Variants in ARFGAP3 observed in about 807,000 individuals in gnomAD.
ARFGAP3 encodes ADP-ribosylation factor GTPase-activating protein 3.
Under a neutral mutation model 75.0 loss-of-function variants are expected in ARFGAP3, and 72 were observed. That is an observed-to-expected ratio of 0.96 (90% CI 0.79 to 1.17). The LOEUF is 1.17. ARFGAP3 is among the 50% of genes most tolerant of loss of function. The probability of loss-of-function intolerance (pLI) is 0.00; values close to 1 mark genes in which losing one functional copy is unlikely to be tolerated. For synonymous variants in ARFGAP3, 221 were observed against 217.9 expected, an observed-to-expected ratio of 1.01 and a Z score of -0.13; for missense variants, 620 against 626.6, an observed-to-expected ratio of 0.99 and a Z score of 0.11.
intron 1 of ARFGAP3, among the ~76,000 whole-genome samples, chr22:42,856,801 C>T (rs1252396285): frequency 1.3e-5 from 2 of 151,638 alleles, no homozygotes; most frequent in East Asian, 3.9e-4. Context: ...ATGCCCCCGC[C>T]CCCGCCTCCG....
intron 1 of ARFGAP3, among the ~76,000 whole-genome samples, chr22:42,849,252 A>C (rs1263615623): frequency 6.6e-6 from 1 of 152,242 alleles, no homozygotes; most frequent in African/African-American, 2.4e-5. Flanking sequence ...TATGATGCCA[A>C]GTTGGGGGTG....
At chr22:42,835,620 T>C (rs1926488659) in intron 3 of ARFGAP3, 127 bp from the exon 4 acceptor site, 1 of 1,019,566 alleles carries the variant, frequency 9.8e-7, no homozygotes, top group Non-Finnish European at 1.4e-6. Context: ...GGGAGATCAG[T>C]ACCATCCTGG....
intron 2 of ARFGAP3, among the ~76,000 whole-genome samples, chr22:42,844,046 C>T (rs2146579124): frequency 6.6e-6 from 1 of 152,298 alleles, no homozygotes; most frequent in South Asian, 2.1e-4. Context: ...ATGCACACCA[C>T]CCATGCCACA....
At chr22:42,838,579 G>A (rs929911665) in intron 3 of ARFGAP3, among the ~76,000 whole-genome samples, 17 of 151,868 alleles carry the variant, frequency 1.1e-4, no homozygotes, top group African/African-American at 2.9e-4. Context: ...TTCCAGGCAC[G>A]AGCCACCATG....
chr22:42,799,610 A>G (rs1324334406), intron 14 of ARFGAP3, among the ~76,000 whole-genome samples: 1 of 151,826 alleles, frequency 6.6e-6, no homozygotes, highest in Non-Finnish European at 1.5e-5. Context: ...TCTCCCTTCT[A>G]CCCTGTCCAC....
intron 3 of ARFGAP3, chr22:42,835,746 G>A (rs1569161990): frequency 6.5e-6 from 1 of 152,990 alleles, no homozygotes; most frequent in Non-Finnish European, 1.5e-5. Flanking sequence ...GCGAACCTGG[G>A]AGGCGGAGCT....
intron 7 of ARFGAP3, among the ~76,000 whole-genome samples, chr22:42,824,613 C>G (rs544707441): frequency 7.9e-5 from 12 of 152,056 alleles, no homozygotes; most frequent in African/African-American, 2.9e-4. Context: ...GATCCTCCTG[C>G]CTTGGCTTTC....
Position 42,810,708 on chromosome 22 carries a change from C to T in ARFGAP3, c.1196+105G>A, listed in dbSNP as rs575072705. On this transcript the variant is annotated intron_variant, in intron 12 of 15. Transcript: ENST00000263245. ...TGCTGGGATTATGGGAATGAGCCGC[C>T]GTGCCCAGCCCCTTACAAGGGTTTT... 8.4e-5 allele frequency: 81 copies of T among 961,204 alleles called. No homozygotes were observed. The Middle Eastern group carries it at 2.0e-3, about 24-fold the overall frequency. The allele number at this position is 961,204 out of a possible 1,614,324, so 59.5% of individuals were successfully genotyped here. A position where few individuals can be genotyped will look rare whatever the true frequency, so the allele number is the denominator to read the frequency against.
At position 42,823,671 on chromosome 22, in the gene ARFGAP3, A is replaced by T. The variant is rs765547979; in HGVS notation, c.657T>A (p.Asn219Lys). The T allele has an allele frequency of 8.3e-6, 13 of 1,572,388 alleles. No individual in the cohort carries two copies. In the East Asian group the frequency reaches 2.7e-4, roughly 33 times the overall value. The change falls in exon 8 of 16, where the codon AAT becomes AAA. Residue 219 changes from asparagine (N) to lysine (K), a missense_variant. Transcript: ENST00000263245. ...TAATACTCACGCCTTTTTTAGCTTG[A>T]TTTGGTTTCTTTTTTATGATAGAGG... ...EVSSIIKKKP[N>K]QAKKGLGAKK...
chr22:42,849,801 T>C (rs938952600), intron 1 of ARFGAP3, among the ~76,000 whole-genome samples: 1 of 151,994 alleles, frequency 6.6e-6, no homozygotes, highest in Non-Finnish European at 1.5e-5. Flanking sequence ...GCTCAAGCAA[T>C]TTGGGCCCTC....
In ARFGAP3 at chr22:42,828,281, A is replaced by C. The variant is rs374214926; in HGVS notation, c.566-1282T>G. 2.5e-3 allele frequency among the ~76,000 whole-genome samples: 379 copies of C among 151,390 alleles called. 2 individuals carry two copies. The highest frequency in any genetic ancestry group is 7.8e-3 in the South Asian group (37 of 4,738). On this transcript the variant is annotated intron_variant, in intron 6 of 15. Coordinates refer to ENST00000263245, the MANE Select transcript of ARFGAP3 (RefSeq NM_014570.5). ...ACTAAAAAATACAAAGATGAGGGCC[A>C]GGCGCGGTAGCTCACACCTGTAATC...
Position 42,840,977 on chromosome 22 carries a change from C to T in ARFGAP3, c.228G>A (p.Leu76=). ...ELDSNWSWFQ[L]RCMQVGGNAS... is the part of the protein sequence containing the mutation. The stretch of plus-strand genomic sequence containing the variant: ...CGTTTCCTCCGACTTGCATGCATCG[C>T]AACTGAAACCATGACCAGTTGGAAT... Residue 76 remains leucine, a synonymous_variant, in exon 3 of 16, where the codon TTG becomes TTA. Transcript: ENST00000263245. 1 of 1,614,154 alleles carries T rather than the reference C, an allele frequency of 6.2e-7. No individual in the cohort carries two copies. Among genetic ancestry groups the T allele is most frequent in the Non-Finnish European group, 8.5e-7 (1 of 1,180,014 alleles).
intron 12 of ARFGAP3, 90 bp downstream of exon 12, chr22:42,810,723 A>T (rs1189389422): frequency 1.2e-5 from 14 of 1,157,308 alleles, no homozygotes; most frequent in African/African-American, 1.5e-5. Context: ...CCAGCCCCTT[A>T]CAAGGGTTTT....
At chr22:42,807,570 T>C (rs1925183037) in intron 13 of ARFGAP3, among the ~76,000 whole-genome samples, 1 of 152,212 alleles carries the variant, frequency 6.6e-6, no homozygotes, top group African/African-American at 2.4e-5. Flanking sequence ...TTTTATGGAC[T>C]GTGGGAACAG....
chr22:42,836,367 G>C (rs1477036479), intron 3 of ARFGAP3, among the ~76,000 whole-genome samples: 1 of 152,002 alleles, frequency 6.6e-6, no homozygotes, highest in Non-Finnish European at 1.5e-5. Flanking sequence ...TCCAACTCCT[G>C]GATTCAAGCA....
At position 42,849,560 on chromosome 22, in the gene ARFGAP3, CTTTT is replaced by C. The variant is rs58141557; in HGVS notation, c.70-1932_70-1929del. Among the ~76,000 whole-genome samples, 160 of 127,968 alleles carry C rather than the reference CTTTT, an allele frequency of 1.3e-3. 1 individual carries two copies. Among genetic ancestry groups the C allele is most frequent in the Non-Finnish European group, 1.5e-3 (96 of 62,190 alleles). 84.0% of individuals were successfully genotyped at this position (127,968 alleles called of 152,430 possible). A position where few individuals can be genotyped will look rare whatever the true frequency, so the allele number is the denominator to read the frequency against. On this transcript the variant is annotated intron_variant, in intron 1 of 15. Coordinates refer to ENST00000263245, the MANE Select transcript of ARFGAP3 (RefSeq NM_014570.5). ...ACGGTCCTAGCTCGCTGCTTTATGG[CTTTT>C]TTTTTTTTTTTTTTAAAGAGACAAG...
chr22:42,826,954 G>A lies in ARFGAP3; in HGVS notation c.611C>T (p.Thr204Ile), dbSNP rs777447367. 3 of 1,613,350 alleles carry A rather than the reference G, an allele frequency of 1.9e-6. No homozygotes were observed. Among genetic ancestry groups the A allele is most frequent in the South Asian group, 2.2e-5 (2 of 90,948 alleles). The change falls in exon 7 of 16, where the codon ACA becomes ATA. Residue 204 changes from threonine to isoleucine, a missense_variant. Transcript: ENST00000263245. The part of the protein sequence containing the change: ...GPSVEGLNVP[T>I]KATLEVSSII... ...AAGCATATTACCTAAAGTAGCCTTT[G>A]TTGGTACATTAAGACCTTCCACACT...
chr22:42,842,209 T>G (rs1433371043), intron 2 of ARFGAP3, among the ~76,000 whole-genome samples: 1 of 151,856 alleles, frequency 6.6e-6, no homozygotes, highest in Admixed American at 6.6e-5. Flanking sequence ...TTCTTCATGT[T>G]GGTCAGGTTG....
intron 5 of ARFGAP3, 115 bp downstream of exon 5, chr22:42,834,127 G>T: frequency 1.1e-6 from 1 of 939,804 alleles, no homozygotes; most frequent in East Asian, 2.5e-5. Flanking sequence ...CAGTAGTTAT[G>T]TTTCAGCACT....
Sources: gnomAD v4.1 joint callset for allele counts (sites outside exome capture counted in the v4.1 genomes callset) on GRCh38, gnomAD v4.1.1 for gene constraint, MANE v1.5 for transcripts, NCBI Gene and HGNC (gene_info 2026-07-23, HGNC 2026-07-21) for gene names.